Variants in SLFNL1 observed in about 807,000 individuals in gnomAD.
SLFNL1 encodes schlafen like 1, also known as schlafen-like protein 1.
SLFNL1 carries 26 observed loss-of-function variants against 32.5 expected under a neutral mutation model. The observed-to-expected ratio is 0.80, with a 90% CI of 0.59 to 1.11. The LOEUF (loss-of-function observed/expected upper bound fraction) is 1.11, where lower values mean the gene tolerates loss of function less well. SLFNL1 is among the 50% of genes least tolerant of loss of function. The probability of loss-of-function intolerance (pLI) is 0.00; values close to 1 mark genes in which losing one functional copy is unlikely to be tolerated. For missense variants in SLFNL1, 553 were observed against 546.5 expected (o/e 1.01, Z -0.12); for synonymous variants, 255 against 242.2 (o/e 1.05, Z -0.49).
chr1:41,016,218 A>G lies in SLFNL1; in HGVS notation c.1112T>C (p.Val371Ala). The G allele has an allele frequency of 6.2e-7, 1 of 1,613,724 alleles. No individual in the cohort carries two copies. Among genetic ancestry groups the G allele is most frequent in the Non-Finnish European group, 8.5e-7 (1 of 1,179,884 alleles). ...IQEWCRQRWL[V>A]ELGKLEEKMK... ...CTTCTCTTCCAGCTTGCCCAGCTCC[A>G]CCAGCCACCTCTGAGGGGACATGGG... The change falls in exon 6 of 6, where the codon GTG becomes GCG. Residue 371 changes from valine (V) to alanine (A), a missense_variant. Coordinates refer to ENST00000302946, the MANE Select transcript of SLFNL1 (RefSeq NM_144990.4).
intron 5 of SLFNL1, 163 bp from the exon 6 acceptor site, chr1:41,016,391 C>T (rs561558371): frequency 3.3e-5 from 37 of 1,105,656 alleles, no homozygotes; most frequent in South Asian, 8.2e-5. Context: ...CACCTTCAAC[C>T]GTGTCAGCCT....
rs1476115894 is a variant in SLFNL1, at chr1:41,020,224, A to G, written c.435+2T>C. On this transcript the variant is annotated splice_donor_variant, in intron 3 of 5. Coordinates refer to ENST00000302946, the MANE Select transcript of SLFNL1 (RefSeq NM_144990.4). LOFTEE classifies it high-confidence loss of function. ...AGCTTGCTTGGGAAAAGTCCCACTT[A>G]CCTCTCTGTGGCTGAAGGGCCCTTG... 3 of 1,578,026 alleles carry G rather than the reference A, an allele frequency of 1.9e-6. No homozygotes were observed. The highest frequency in any genetic ancestry group is 2.6e-6 in the Non-Finnish European group (3 of 1,161,196).
chr1:41,018,407 C>CT (rs1260276022), intron 3 of SLFNL1: 1 of 426,968 alleles, frequency 2.3e-6, no homozygotes, highest in Non-Finnish European at 4.1e-6. Flanking sequence ...CCCAGGTGAG[C>CT]TGTGGGATGC....
At chr1:41,018,926 G>C (rs1456230031) in intron 3 of SLFNL1, among the ~76,000 whole-genome samples, 1 of 135,874 alleles carries the variant, frequency 7.4e-6, no homozygotes. Context: ...TGCAAGCTCC[G>C]CCTTCCGGGT....
At chr1:41,019,310 T>C (rs1010238768) in intron 3 of SLFNL1, among the ~76,000 whole-genome samples, 9 of 152,258 alleles carry the variant, frequency 5.9e-5, no homozygotes, top group Admixed American at 3.3e-4. Context: ...TGAGTTGAAA[T>C]GTAAGCCACA....
intron 3 of SLFNL1, 31 bp from the exon 4 acceptor site, chr1:41,018,187 G>A: frequency 6.9e-7 from 1 of 1,439,218 alleles, no homozygotes; most frequent in Non-Finnish European, 9.1e-7. Context: ...GAATGTATGG[G>A]TCCAGCCAGG....
chr1:41,018,420 G>C (rs1643532937), intron 3 of SLFNL1: 1 of 410,564 alleles, frequency 2.4e-6, no homozygotes, highest in Non-Finnish European at 4.3e-6. Context: ...TGGGATGCCT[G>C]GTGGGGAAGA....
At chr1:41,016,303 A>G in intron 5 of SLFNL1, 75 bp from the exon 6 acceptor site, 2 of 1,557,916 alleles carry the variant, frequency 1.3e-6, no homozygotes, top group South Asian at 2.4e-5. Flanking sequence ...CTGGGGCCAA[A>G]CTGAGGGAGG....
At position 41,020,468 on chromosome 1, in the gene SLFNL1, A is replaced by G; in HGVS notation, c.193T>C (p.Cys65Arg). 6.2e-7 allele frequency: 1 copy of G among 1,613,498 alleles called. No homozygotes were observed. The highest frequency in any genetic ancestry group is 8.5e-7 in the Non-Finnish European group (1 of 1,180,014). ...CGCTCCAGGGTGTCTCGCAGCAGGCAGGCAAGCACCGGCACTGAGAACTGG... is the reference window on the plus strand; with the variant it reads ...CGCTCCAGGGTGTCTCGCAGCAGGCGGGCAAGCACCGGCACTGAGAACTGG... ...NPQFSVPVLA[C>R]LLRDTLERLE... The change falls in exon 3 of 6, where the codon TGC becomes CGC. Residue 65 changes from cysteine (C) to arginine (R), a missense_variant. Coordinates refer to ENST00000302946, the MANE Select transcript of SLFNL1 (RefSeq NM_144990.4).
rs753005039 is a variant in SLFNL1, at chr1:41,020,210, GA to G, written c.435+15del. On this transcript the variant is annotated intron_variant, in intron 3 of 5. Coordinates refer to ENST00000302946, the MANE Select transcript of SLFNL1 (RefSeq NM_144990.4). ...GGGTGAGGCTTTGGAGCTTGCTTGG[GA>G]AAAGTCCCACTTACCTCTCTGTGGC... 12 of 1,563,192 alleles carry G rather than the reference GA, an allele frequency of 7.7e-6. No individual in the cohort carries two copies. The highest frequency in any genetic ancestry group is 5.4e-5 in the African/African-American group (4 of 73,572).
intron 1 of SLFNL1, chr1:41,021,126 AGAG>A (rs1643801952): frequency 6.1e-6 from 1 of 163,358 alleles, no homozygotes; most frequent in South Asian, 1.6e-4. Flanking sequence ...GGCCTCCTGG[AGAG>A]GAGGCCTTAA....
In SLFNL1 at chr1:41,020,436, C is replaced by T. The variant is rs780192133; in HGVS notation, c.225G>A (p.Glu75=). Residue 75 remains glutamate, a synonymous_variant, in exon 3 of 6, where the codon GAG becomes GAA. Coordinates refer to ENST00000302946, the MANE Select transcript of SLFNL1 (RefSeq NM_144990.4). ...CAATGTGCTCCCGCGCCACCGGCAT[C>T]TCCAGCCGCTCCAGGGTGTCTCGCA... is the stretch of plus-strand genomic sequence containing the variant. The part of the protein sequence containing the change: ...CLLRDTLERL[E]MPVAREHIEV... 10 of 1,613,036 alleles carry T rather than the reference C, an allele frequency of 6.2e-6. No individual in the cohort carries two copies. In the African/African-American group the frequency reaches 1.3e-4, roughly 22 times the overall value.
chr1:41,018,581 A>C (rs980664878), intron 3 of SLFNL1, among the ~76,000 whole-genome samples: 13 of 152,162 alleles, frequency 8.5e-5, no homozygotes, highest in African/African-American at 2.7e-4. Flanking sequence ...CCCTGAATGG[A>C]GAGGGACTCC....
chr1:41,016,370 C>T lies in SLFNL1; in HGVS notation c.1102-142G>A, dbSNP rs776553826. The stretch of plus-strand genomic sequence containing the variant: ...CAGCTAGGGGAAAAGTCAGGCCCCT[C>T]GGCCTGCTGCCACCTTCAACCGTGT... On this transcript the variant is annotated intron_variant, in intron 5 of 5. Coordinates refer to ENST00000302946, the MANE Select transcript of SLFNL1 (RefSeq NM_144990.4). The T allele has an allele frequency of 2.4e-5, 31 of 1,274,470 alleles. No individual in the cohort carries two copies. In the East Asian group the frequency reaches 3.3e-4, roughly 14 times the overall value. The allele number at this position is 1,274,470 out of a possible 1,614,324, so 78.9% of individuals were successfully genotyped here.
rs145895751 is a variant in SLFNL1 at position 41,016,695 on chromosome 1, A to T, written c.1102-467T>A. ...GGTGAGGGGTTTCAGGCACCCCTGA[A>T]GGGAGGATACTGCATAGGATTTTTT... On this transcript the variant is annotated intron_variant, in intron 5 of 5. Coordinates refer to ENST00000302946, the MANE Select transcript of SLFNL1 (RefSeq NM_144990.4). The T allele has an allele frequency of 8.9e-4, 143 of 160,236 alleles. 5 individuals carry two copies. The East Asian group carries it at 0.021, about 23-fold the overall frequency. 9.9% of individuals were successfully genotyped at this position (160,236 alleles called of 1,614,324 possible).
Position 41,020,870 on chromosome 1 carries a change from C to A in SLFNL1, c.-125G>T. The A allele has an allele frequency of 1.7e-6, 1 of 586,800 alleles. No individual in the cohort carries two copies. The allele number at this position is 586,800 out of a possible 1,614,324, so 36.3% of individuals were successfully genotyped here. A position where few individuals can be genotyped will look rare whatever the true frequency, so the allele number is the denominator to read the frequency against. On this transcript the variant is annotated splice_region_variant and 5_prime_UTR_variant, in exon 2 of 6. Transcript: ENST00000302946. ...GAAAGGGCCTGCCACCCACCTGAGG[C>A]CTAGGATGAGAAAGCAGAGTCACGT...
At chr1:41,021,321 T>C (rs1643815883) in intron 1 of SLFNL1, 1 of 152,724 alleles carries the variant, frequency 6.5e-6, no homozygotes, top group South Asian at 2.1e-4. Flanking sequence ...AAATGGCCTT[T>C]GCATATAAAC....
In SLFNL1 at chr1:41,020,512, TAG is replaced by T. The variant is rs773080616; in HGVS notation, c.147_148del (p.Tyr50CysfsTer34). On this transcript the variant is annotated frameshift_variant, in exon 3 of 6. Transcript: ENST00000302946. LOFTEE classifies it high-confidence loss of function. ...GAACTGGGGGTTCAGATGGCCCACATAGAGAGTGTGCGCCGAGGGAGCCTCCT... is the reference window on the plus strand; with the variant it reads ...GAACTGGGGGTTCAGATGGCCCACATAGAGTGTGCGCCGAGGGAGCCTCCT... The T allele has an allele frequency of 1.1e-5, 18 of 1,613,418 alleles. No homozygotes were observed. The highest frequency in any genetic ancestry group is 1.5e-5 in the Non-Finnish European group (18 of 1,180,022).
At position 41,017,983 on chromosome 1, in the gene SLFNL1, G is replaced by A. The variant is rs758706343; in HGVS notation, c.609C>T (p.His203=). ...GCTGGTCCTTGCCCACGATCTGCTGGTGCACAATGGCACTGTCGGAGCACA... is the reference window on the plus strand; with the variant it reads ...GCTGGTCCTTGCCCACGATCTGCTGATGCACAATGGCACTGTCGGAGCACA... ...SGVCSDSAIV[H]QQIVGKDQLF... Residue 203 remains histidine (H), a synonymous_variant, in exon 4 of 6, where the codon CAC becomes CAT. Transcript: ENST00000302946. This position sits in a 1 kb window ranked among gnomAD's most constrained non-coding sequence, Gnocchi z 4.9. 2 of 1,610,014 alleles carry A rather than the reference G, an allele frequency of 1.2e-6. No individual in the cohort carries two copies. Among genetic ancestry groups the A allele is most frequent in the Admixed American group, 1.7e-5 (1 of 59,586 alleles).
Sources: allele counts gnomAD v4.1 joint callset (sites outside exome capture counted in the v4.1 genomes callset), GRCh38; gene constraint gnomAD v4.1.1; non-coding constraint Gnocchi (gnomAD v3.1); transcripts MANE v1.5; gene names NCBI Gene and HGNC (gene_info 2026-07-23, HGNC 2026-07-21).